Variants in FA2H observed in about 807,000 individuals in gnomAD.
FA2H encodes fatty acid 2-hydroxylase.
FA2H carries 22 observed loss-of-function variants against 44.9 expected under a neutral mutation model. That is an observed-to-expected ratio of 0.49 (90% confidence interval 0.35 to 0.70). The LOEUF (loss-of-function observed/expected upper bound fraction) is 0.70. Among genes scored for constraint, FA2H ranks in the 30% least tolerant of loss-of-function variants. The probability of loss-of-function intolerance (pLI) is 0.01; values close to 1 mark genes in which losing one functional copy is unlikely to be tolerated. For missense variants in FA2H, 501 were observed against 504.9 expected, an observed-to-expected ratio of 0.99 and a Z score of 0.07; for synonymous variants, 243 against 213.2, an observed-to-expected ratio of 1.14 and a Z score of -1.22.
intron 1 of FA2H, among the ~76,000 whole-genome samples, chr16:74,770,374 T>TTTG (rs1962883364): frequency 6.6e-6 from 1 of 152,078 alleles, no homozygotes; most frequent in Non-Finnish European, 1.5e-5. Context: ...CCCACAAGTT[T>TTTG]TTTGTTTGTT....
At chr16:74,761,277 AC>A (rs902360878) in intron 1 of FA2H, among the ~76,000 whole-genome samples, 1 of 152,026 alleles carries the variant, frequency 6.6e-6, no homozygotes, top group Non-Finnish European at 1.5e-5. Context: ...ACATGGTAAA[AC>A]CCTGTCTCTA....
intron 1 of FA2H, among the ~76,000 whole-genome samples, chr16:74,767,048 C>T (rs1400985203): frequency 6.6e-6 from 1 of 151,874 alleles, no homozygotes; most frequent in Non-Finnish European, 1.5e-5. Context: ...TGGTGGCTCA[C>T]GCCTGTAATC....
chr16:74,738,752 CT>C (rs112201567), intron 2 of FA2H, among the ~76,000 whole-genome samples: 10,268 of 152,224 alleles, frequency 0.067, 372 homozygotes, highest in African/African-American at 0.086. Context: ...CGATCTCCCC[CT>C]GTTCCAGACT....
chr16:74,724,456 C>T (rs1220407443), intron 4 of FA2H, among the ~76,000 whole-genome samples: 1 of 152,190 alleles, frequency 6.6e-6, no homozygotes, highest in East Asian at 1.9e-4. Context: ...GAATGTCAGC[C>T]TTGAACTGGT....
In FA2H at chr16:74,735,222, G is replaced by A. The variant is rs75564384; in HGVS notation, c.363+4801C>T. 9.8e-5 allele frequency among the ~76,000 whole-genome samples: 15 copies of A among 152,318 alleles called. No homozygotes were observed. The East Asian group carries it at 2.7e-3, about 27-fold the overall frequency. ...TCAGCCAGATTGGGATCCCATGGCT[G>A]TGACTTCCTCAGCACAACGGCTGTG... On this transcript the variant is annotated intron_variant, in intron 2 of 6. Coordinates refer to ENST00000219368, the MANE Select transcript of FA2H (RefSeq NM_024306.5).
chr16:74,729,616 CA>C (rs1962035184), intron 2 of FA2H, among the ~76,000 whole-genome samples: 1 of 152,204 alleles, frequency 6.6e-6, no homozygotes, highest in Admixed American at 6.5e-5. Context: ...CAGCTCCAGG[CA>C]ACTAGAAGCC....
At chr16:74,757,897 T>C (rs979363857) in intron 1 of FA2H, among the ~76,000 whole-genome samples, 10 of 152,212 alleles carry the variant, frequency 6.6e-5, no homozygotes, top group Non-Finnish European at 5.9e-5. Context: ...CTTGTGCCTG[T>C]AGTCCCAGCT....
intron 1 of FA2H, among the ~76,000 whole-genome samples, chr16:74,762,076 A>ACT (rs10623107): frequency 0.45 from 68,143 of 151,718 alleles, 16,188 homozygotes; most frequent in African/African-American, 0.54. Context: ...ACAGGGTCTC[A>ACT]CTGTCACCCA....
At chr16:74,766,079 A>G (rs1187132245) in intron 1 of FA2H, among the ~76,000 whole-genome samples, 1 of 152,158 alleles carries the variant, frequency 6.6e-6, no homozygotes, top group Non-Finnish European at 1.5e-5. Flanking sequence ...AGGCCGAGGC[A>G]GGTGAGGTCA....
rs1020890573 is a variant in FA2H, at chr16:74,748,963, TG to T, written c.271-8849del. ...ACCCCATGGAGGCCCAGGGGGAAGG[TG>T]GGGGGTCCAGGTGTCGCAGCGCCCC... On this transcript the variant is annotated intron_variant, in intron 1 of 6. Coordinates refer to ENST00000219368, the MANE Select transcript of FA2H (RefSeq NM_024306.5). 7.8e-4 allele frequency among the ~76,000 whole-genome samples: 118 copies of T among 151,854 alleles called. 1 individual carries two copies. The highest frequency in any genetic ancestry group is 2.7e-3 in the African/African-American group (110 of 41,394).
chr16:74,728,286 C>G lies in FA2H; in HGVS notation c.364-900G>C, dbSNP rs923107569. 2.6e-5 allele frequency among the ~76,000 whole-genome samples: 4 copies of G among 152,172 alleles called. 1 individual carries two copies. The highest frequency in any genetic ancestry group is 5.9e-5 in the Non-Finnish European group (4 of 68,030). On this transcript the variant is annotated intron_variant, in intron 2 of 6. Coordinates refer to ENST00000219368, the MANE Select transcript of FA2H (RefSeq NM_024306.5). ...AAAAATAAAAAAATAATAACGGTAC[C>G]TGCATTAAGTGCTCAATGAGATGTG... is the stretch of plus-strand genomic sequence containing the variant.
chr16:74,752,995 G>T (rs946166271), intron 1 of FA2H, among the ~76,000 whole-genome samples: 6 of 152,214 alleles, frequency 3.9e-5, no homozygotes, highest in Non-Finnish European at 7.3e-5. Context: ...CAGCAGCTCA[G>T]GTTCTGAAAA....
Position 74,774,746 on chromosome 16 carries a change from CG to C in FA2H, c.9del (p.Ala4LeufsTer95). On this transcript the variant is annotated frameshift_variant, in exon 1 of 7. Coordinates refer to ENST00000219368, the MANE Select transcript of FA2H (RefSeq NM_024306.5). LOFTEE classifies it high-confidence loss of function. MA[P>X]APPPAASFSP... ...GAGAAGGAGGCGGCGGGGGGCGGAGCGGGGGCCATGGCCGGAGACCGCAGCT... is the reference window on the plus strand; with the variant it reads ...GAGAAGGAGGCGGCGGGGGGCGGAGCGGGGCCATGGCCGGAGACCGCAGCT... The C allele has an allele frequency of 7.6e-7, 1 of 1,310,652 alleles. No individual in the cohort carries two copies. The highest frequency in any genetic ancestry group is 1.5e-5 in the African/African-American group (1 of 64,720). 81.2% of individuals were successfully genotyped at this position (1,310,652 alleles called of 1,614,324 possible).
intron 1 of FA2H, among the ~76,000 whole-genome samples, chr16:74,754,123 C>T (rs1962575267): frequency 6.6e-6 from 1 of 152,180 alleles, no homozygotes; most frequent in Non-Finnish European, 1.5e-5. Flanking sequence ...GGGCCAGGCA[C>T]AGTGGCTCAC....
chr16:74,747,811 G>C (rs571564294), intron 1 of FA2H, among the ~76,000 whole-genome samples: 2 of 152,254 alleles, frequency 1.3e-5, no homozygotes, highest in Admixed American at 6.5e-5. Flanking sequence ...ATACATTTCT[G>C]TTGTTCAACC....
chr16:74,714,645 C>G (rs1017751659), intron 6 of FA2H, among the ~76,000 whole-genome samples: 2 of 151,830 alleles, frequency 1.3e-5, no homozygotes, highest in African/African-American at 4.8e-5. Context: ...GGTCTTAGCT[C>G]TAATGGCACC....
At chr16:74,752,235 A>G (rs1597565009) in intron 1 of FA2H, among the ~76,000 whole-genome samples, 2 of 152,076 alleles carry the variant, frequency 1.3e-5, no homozygotes, top group Admixed American at 1.3e-4. Flanking sequence ...CCCAAGCCCA[A>G]TCTGCCCTCC....
intron 1 of FA2H, among the ~76,000 whole-genome samples, chr16:74,771,096 T>C (rs1962897482): frequency 6.6e-6 from 1 of 152,182 alleles, no homozygotes; most frequent in Non-Finnish European, 1.5e-5. Flanking sequence ...TTCTAGAGGA[T>C]ACAGTGACAA....
intron 1 of FA2H, among the ~76,000 whole-genome samples, chr16:74,751,124 T>C (rs1292574859): frequency 6.6e-6 from 1 of 151,970 alleles, no homozygotes; most frequent in Middle Eastern, 3.2e-3. Flanking sequence ...AGACAGAGTC[T>C]CGCTCTGTCA....
Sources: allele counts gnomAD v4.1 joint callset (sites outside exome capture counted in the v4.1 genomes callset), GRCh38; gene constraint gnomAD v4.1.1; transcripts MANE v1.5; gene names NCBI Gene and HGNC (gene_info 2026-07-23, HGNC 2026-07-21).